MTUS2: variants seen among roughly 807,000 people sequenced by gnomAD.
MTUS2 encodes microtubule associated scaffold protein 2.
A neutral mutation model predicts 114.1 loss-of-function variants in MTUS2; 40 were observed. The ratio of observed to expected loss-of-function variants is 0.35; its 90% CI spans 0.27 to 0.46. The LOEUF (loss-of-function observed/expected upper bound fraction) is 0.46, where lower values mean the gene tolerates loss of function less well. Ranked by LOEUF, MTUS2 falls within the 20% of genes least tolerant of loss-of-function variation. MTUS2 has a pLI of 1.00. For synonymous variants in MTUS2, 688 were observed against 672.0 expected (o/e 1.02, Z -0.37); for missense variants, 1,679 against 1,705.4 (o/e 0.98, Z 0.27).
At chr13:29,187,043 T>G (rs148751453) in intron 5 of MTUS2, among the ~76,000 whole-genome samples, 1 of 151,966 alleles carries the variant, frequency 6.6e-6, no homozygotes, top group Admixed American at 6.6e-5. Context: ...AGGGAAAAAT[T>G]TGAAAATATT....
intron 1 of MTUS2, among the ~76,000 whole-genome samples, chr13:28,833,139 T>C (rs1874821884): frequency 6.6e-6 from 1 of 152,148 alleles, no homozygotes; most frequent in South Asian, 2.1e-4. Context: ...CTACCAAATG[T>C]TTATTTAAAG....
intron 6 of MTUS2, among the ~76,000 whole-genome samples, chr13:29,291,546 C>T (rs1296011521): frequency 1.3e-5 from 2 of 152,194 alleles, no homozygotes; most frequent in Admixed American, 6.5e-5. Flanking sequence ...GGGAATATTG[C>T]AGGTGTCCAG....
At chr13:29,312,157 C>T (rs1422561058) in intron 6 of MTUS2, among the ~76,000 whole-genome samples, 3 of 152,184 alleles carry the variant, frequency 2.0e-5, no homozygotes, top group Non-Finnish European at 4.4e-5. Context: ...TACCTGGCTC[C>T]TCCTCCATGC....
intron 2 of MTUS2, among the ~76,000 whole-genome samples, chr13:28,865,309 C>T (rs922778033): frequency 6.6e-6 from 1 of 152,110 alleles, no homozygotes; most frequent in Non-Finnish European, 1.5e-5. Flanking sequence ...AAAGAAACAT[C>T]GCTTCAGAGT....
At chr13:29,010,210 CAAAA>C (rs71658973) in intron 2 of MTUS2, among the ~76,000 whole-genome samples, 1 of 116,444 alleles carries the variant, frequency 8.6e-6, no homozygotes. Context: ...GACTCCGTCT[CAAAA>C]AAAAAAAAAA....
chr13:28,821,004 C>T (rs1873860070), intron 1 of MTUS2, among the ~76,000 whole-genome samples: 1 of 151,796 alleles, frequency 6.6e-6, no homozygotes, highest in Non-Finnish European at 1.5e-5. Context: ...CTTGCTACAT[C>T]CATTTTTTTT....
At chr13:28,849,824 CCT>C (rs1205773397) in intron 2 of MTUS2, among the ~76,000 whole-genome samples, 3 of 152,116 alleles carry the variant, frequency 2.0e-5, no homozygotes, top group Admixed American at 6.6e-5. Flanking sequence ...CTCCTCTCTA[CCT>C]CTGAGTTTTC....
At chr13:28,985,448 A>T (rs1884536632) in intron 2 of MTUS2, among the ~76,000 whole-genome samples, 1 of 152,210 alleles carries the variant, frequency 6.6e-6, no homozygotes, top group South Asian at 2.1e-4. Flanking sequence ...TGTTATAATA[A>T]CTGGGGATGT....
At chr13:29,131,904 G>A (rs573301559) in intron 5 of MTUS2, among the ~76,000 whole-genome samples, 3 of 152,204 alleles carry the variant, frequency 2.0e-5, no homozygotes, top group East Asian at 1.9e-4. Flanking sequence ...GAATCCTTAC[G>A]TGTTGTGGTG....
At chr13:28,844,013 T>C (rs1875690268) in intron 2 of MTUS2, among the ~76,000 whole-genome samples, 1 of 152,246 alleles carries the variant, frequency 6.6e-6, no homozygotes. Flanking sequence ...TTCATCATAT[T>C]TGAAATTATC....
Position 29,310,261 on chromosome 13 carries a change from C to T in MTUS2, c.2807-14352C>T, listed in dbSNP as rs191784627. ...ATGCTCAGAGAGTTCAAGTAACCTG[C>T]CTCAGGTCACACAGCTAAGGACACA... On this transcript the variant is annotated intron_variant, in intron 6 of 15. Transcript: ENST00000612955. Among the ~76,000 whole-genome samples, 42 of 152,330 alleles carry T rather than the reference C, an allele frequency of 2.8e-4. No homozygotes were observed. In the East Asian group the frequency reaches 7.3e-3, roughly 27 times the overall value.
At chr13:29,345,406 C>T (rs1183104623) in intron 7 of MTUS2, among the ~76,000 whole-genome samples, 4 of 151,638 alleles carry the variant, frequency 2.6e-5, no homozygotes, top group Non-Finnish European at 4.4e-5. Context: ...AAAAGCCTTG[C>T]CTTCGAGCTC....
chr13:29,120,693 G>A (rs921783158), intron 5 of MTUS2, among the ~76,000 whole-genome samples: 2 of 152,214 alleles, frequency 1.3e-5, no homozygotes, highest in Non-Finnish European at 2.9e-5. Flanking sequence ...TTAAATTTCA[G>A]TGTGAAGTGA....
At position 29,503,935 on chromosome 13, in the gene MTUS2, G is replaced by C. The variant is rs939316849; in HGVS notation, c.*729G>C. 1 of 231,590 alleles carries C rather than the reference G, an allele frequency of 4.3e-6. No homozygotes were observed. Among genetic ancestry groups the C allele is most frequent in the Non-Finnish European group, 8.6e-6 (1 of 116,908 alleles). The allele number at this position is 231,590 out of a possible 1,614,324, so 14.3% of individuals were successfully genotyped here. A position where few individuals can be genotyped will look rare whatever the true frequency, so the allele number is the denominator to read the frequency against. ...TGATACTCCTGTCATGAGCGGATAA[G>C]GGAGAGCAGTGGGAAACCCTAAGGG... On this transcript the variant is annotated 3_prime_UTR_variant, in exon 16 of 16. Transcript: ENST00000612955.
At chr13:29,362,050 C>T (rs1357267393) in intron 8 of MTUS2, among the ~76,000 whole-genome samples, 1 of 152,198 alleles carries the variant, frequency 6.6e-6, no homozygotes, top group East Asian at 1.9e-4. Flanking sequence ...TGTTCTCTTT[C>T]CCCCTGGCTG....
At chr13:29,042,726 T>A (rs1284326835) in intron 4 of MTUS2, among the ~76,000 whole-genome samples, 3 of 152,192 alleles carry the variant, frequency 2.0e-5, no homozygotes, top group African/African-American at 7.2e-5. Context: ...CTTATTTATC[T>A]CCTCTAGATT....
intron 9 of MTUS2, among the ~76,000 whole-genome samples, chr13:29,471,339 AAAT>A (rs535026471): frequency 3.3e-5 from 5 of 151,898 alleles, no homozygotes; most frequent in Admixed American, 6.6e-5. Context: ...TCCATCTCAA[AAAT>A]AATAATAATA....
At chr13:28,947,225 T>C (rs1487276875) in intron 2 of MTUS2, among the ~76,000 whole-genome samples, 1 of 152,182 alleles carries the variant, frequency 6.6e-6, no homozygotes, top group Non-Finnish European at 1.5e-5. Flanking sequence ...TGTTAAGAAC[T>C]GCAGCTGAAA....
chr13:29,229,139 T>A (rs1896226373), intron 5 of MTUS2, among the ~76,000 whole-genome samples: 2 of 152,166 alleles, frequency 1.3e-5, no homozygotes, highest in South Asian at 4.1e-4. Flanking sequence ...TGGGGTTGGT[T>A]TCTGCTGGCT....
Sources: allele counts gnomAD v4.1 joint callset (sites outside exome capture counted in the v4.1 genomes callset), GRCh38; gene constraint gnomAD v4.1.1; transcripts MANE v1.5; gene names NCBI Gene and HGNC (gene_info 2026-07-23, HGNC 2026-07-21).